PGCKA1: variants seen among roughly 807,000 people sequenced by gnomAD.
PGCKA1 encodes the protein PDCD10 and GCKIII kinases associated 1.
chr4:37,521,750 G>A, the PGCKA1 span, among the ~76,000 whole-genome samples: 1 of 152,108 alleles, frequency 6.6e-6, no homozygotes, highest in Admixed American at 6.5e-5. Flanking sequence ...TTGATTTTCT[G>A]TCTAAAAGAT....
the PGCKA1 span, among the ~76,000 whole-genome samples, chr4:37,518,394 T>C: frequency 6.6e-6 from 1 of 152,220 alleles, no homozygotes; most frequent in African/African-American, 2.4e-5. Context: ...ACCAACAGTG[T>C]ATGCAGGTTC....
At chr4:37,477,742 G>A in the PGCKA1 span, among the ~76,000 whole-genome samples, 77,709 of 151,946 alleles carry the variant, frequency 0.51, 20,479 homozygotes, top group Admixed American at 0.58. Context: ...AATTTACCTT[G>A]CCTACAGTAG....
chr4:37,521,427 A>G, the PGCKA1 span, among the ~76,000 whole-genome samples: 1 of 152,224 alleles, frequency 6.6e-6, no homozygotes, highest in Non-Finnish European at 1.5e-5. Flanking sequence ...TATTCTTCTG[A>G]ATCACTTCAT....
chr4:37,485,937 A>G, the PGCKA1 span, among the ~76,000 whole-genome samples: 5 of 152,206 alleles, frequency 3.3e-5, no homozygotes, highest in Non-Finnish European at 7.3e-5. Flanking sequence ...TAGCTCTGGC[A>G]GGTTCCCCCT....
the PGCKA1 span, chr4:37,590,689 A>C: frequency 1.2e-6 from 2 of 1,614,030 alleles, no homozygotes; most frequent in Non-Finnish European, 8.5e-7. Context: ...CAAGAACCAT[A>C]CTGAGGATGA....
chr4:37,558,385 G>A, the PGCKA1 span, among the ~76,000 whole-genome samples: 4 of 152,106 alleles, frequency 2.6e-5, no homozygotes, highest in African/African-American at 9.7e-5. Flanking sequence ...GCAATTTCAA[G>A]CTTCTCCCGT....
At chr4:37,459,946 T>C in the PGCKA1 span, among the ~76,000 whole-genome samples, 45 of 152,054 alleles carry the variant, frequency 3.0e-4, no homozygotes, top group Admixed American at 2.9e-3. Flanking sequence ...CACCTAGATA[T>C]TAAGCCCTGC....
At chr4:37,561,605 G>T in the PGCKA1 span, among the ~76,000 whole-genome samples, 2 of 151,330 alleles carry the variant, frequency 1.3e-5, no homozygotes, top group African/African-American at 4.9e-5. Flanking sequence ...AGATAGAAAA[G>T]ACTTCATCTA....
the PGCKA1 span, among the ~76,000 whole-genome samples, chr4:37,455,995 G>A: frequency 6.6e-6 from 1 of 152,144 alleles, no homozygotes; most frequent in African/African-American, 2.4e-5. Context: ...CTGAATCTTG[G>A]GATCTTTTAC....
At chr4:37,533,348 T>C in the PGCKA1 span, among the ~76,000 whole-genome samples, 2 of 152,180 alleles carry the variant, frequency 1.3e-5, no homozygotes, top group East Asian at 3.8e-4. Context: ...AGTTTATCAG[T>C]TTCTGGTGTT....
the PGCKA1 span, among the ~76,000 whole-genome samples, chr4:37,478,941 T>G: frequency 6.6e-6 from 1 of 152,270 alleles, no homozygotes; most frequent in African/African-American, 2.4e-5. Context: ...TCCTGATTAA[T>G]TATTTGCCAA....
At chr4:37,481,464 C>CAAAAAAAAAAAAAAAAAAAAAAAA in the PGCKA1 span, among the ~76,000 whole-genome samples, 6 of 61,442 alleles carry the variant, frequency 9.8e-5, no homozygotes, top group East Asian at 6.1e-4. Flanking sequence ...GACCTGTCTC[C>CAAAAAAAAAAAAAAAAAAAAAAAA]AAAAAAAAAA....
the PGCKA1 span, among the ~76,000 whole-genome samples, chr4:37,569,726 C>T: frequency 8.5e-5 from 13 of 152,128 alleles, no homozygotes; most frequent in Admixed American, 8.5e-4. Flanking sequence ...GGGAAATAAT[C>T]GGGTTAAACA....
At chr4:37,530,208 A>C in the PGCKA1 span, among the ~76,000 whole-genome samples, 4 of 152,326 alleles carry the variant, frequency 2.6e-5, no homozygotes, top group East Asian at 7.7e-4. Flanking sequence ...GTTGGAATTT[A>C]CCCATTGGAT....
chr4:37,570,150 T>TA, the PGCKA1 span, among the ~76,000 whole-genome samples: 1 of 83,218 alleles, frequency 1.2e-5, no homozygotes, highest in Non-Finnish European at 3.0e-5. Context: ...TGGCTAATTT[T>TA]TTTTTTTTTT....
chr4:37,520,992 G>A, the PGCKA1 span, among the ~76,000 whole-genome samples: 1 of 151,922 alleles, frequency 6.6e-6, no homozygotes, highest in African/African-American at 2.4e-5. Context: ...TGCAAATTTT[G>A]TTTAACTTTT....
At chr4:37,535,248 C>T in the PGCKA1 span, among the ~76,000 whole-genome samples, 11 of 152,250 alleles carry the variant, frequency 7.2e-5, no homozygotes, top group African/African-American at 1.2e-4. Flanking sequence ...GAGGGCTGGG[C>T]GTGGTGGCTC....
chr4:37,470,481 A>G, the PGCKA1 span, among the ~76,000 whole-genome samples: 3 of 152,176 alleles, frequency 2.0e-5, no homozygotes, highest in Non-Finnish European at 4.4e-5. Context: ...ATCTTCATGC[A>G]TGTGTTTGCA....
chr4:37,470,700 C>T, the PGCKA1 span, among the ~76,000 whole-genome samples: 13 of 152,224 alleles, frequency 8.5e-5, no homozygotes, highest in East Asian at 5.8e-4. Context: ...AAATTATCAC[C>T]GGAGCTACCT....
Sources: allele counts gnomAD v4.1 joint callset (sites outside exome capture counted in the v4.1 genomes callset), GRCh38; gene constraint gnomAD v4.1.1; transcripts MANE v1.5; gene names NCBI Gene and HGNC (gene_info 2026-07-23, HGNC 2026-07-21).